Variants in DNAJB4 observed in about 807,000 individuals in gnomAD.
DNAJB4 encodes DnaJ heat shock protein family (Hsp40) member B4, also known as dnaJ homolog subfamily B member 4.
A neutral mutation model predicts 26.6 loss-of-function variants in DNAJB4; 10 were observed. That is an observed-to-expected ratio of 0.38 (90% confidence interval 0.23 to 0.64). The LOEUF is 0.64. Among genes scored for constraint, DNAJB4 ranks in the 30% least tolerant of loss-of-function variants. The pLI, the probability that DNAJB4 is intolerant of heterozygous loss-of-function variation, is 0.58. For missense variants in DNAJB4, 328 were observed against 408.2 expected, an observed-to-expected ratio of 0.80 and a Z score of 1.69; for synonymous variants, 136 against 134.8, an observed-to-expected ratio of 1.01 and a Z score of -0.06.
chr1:77,982,987 T>C (rs181751976), intron 1 of DNAJB4, among the ~76,000 whole-genome samples: 10 of 152,310 alleles, frequency 6.6e-5, no homozygotes, highest in Admixed American at 2.0e-4. Flanking sequence ...AGACAAAGTA[T>C]GCTGAACCAG....
intron 1 of DNAJB4, among the ~76,000 whole-genome samples, chr1:78,006,424 A>G (rs917347911): frequency 1.3e-5 from 2 of 152,198 alleles, no homozygotes; most frequent in African/African-American, 4.8e-5. Flanking sequence ...GTAGCTATGA[A>G]AACTTGTTAT....
chr1:78,000,375 C>T (rs1660162443), upstream of DNAJB4, among the ~76,000 whole-genome samples: 1 of 152,126 alleles, frequency 6.6e-6, no homozygotes, highest in Non-Finnish European at 1.5e-5. Context: ...TAACAGTTAA[C>T]AGAGTTAACT....
At position 78,016,453 on chromosome 1, in the gene DNAJB4, T is replaced by G; in HGVS notation, c.*206T>G. On this transcript the variant is annotated 3_prime_UTR_variant, in exon 3 of 3. Transcript: ENST00000370763. ...AAAAGAGAAAACCATTCACTGTATT[T>G]TATTTCATTTCTCCTGATTCAGATA... 1 of 550,610 alleles carries G rather than the reference T, an allele frequency of 1.8e-6. No homozygotes were observed. The highest frequency in any genetic ancestry group is 1.9e-5 in the African/African-American group (1 of 52,768). 34.1% of individuals were successfully genotyped at this position (550,610 alleles called of 1,614,324 possible).
At chr1:77,999,781 C>A (rs987878008) in intron 1 of DNAJB4, among the ~76,000 whole-genome samples, 1 of 152,154 alleles carries the variant, frequency 6.6e-6, no homozygotes, top group African/African-American at 2.4e-5. Flanking sequence ...CTAAGTTACT[C>A]ACCTGTTAAG....
At chr1:78,011,128 T>C (rs1660460480) in intron 1 of DNAJB4, among the ~76,000 whole-genome samples, 1 of 152,212 alleles carries the variant, frequency 6.6e-6, no homozygotes, top group Non-Finnish European at 1.5e-5. Flanking sequence ...TTTTGAGTTT[T>C]AGTAGAACAT....
chr1:77,987,461 C>A (rs752284911), intron 1 of DNAJB4, among the ~76,000 whole-genome samples: 2 of 152,132 alleles, frequency 1.3e-5, no homozygotes, highest in Non-Finnish European at 2.9e-5. Flanking sequence ...ATGGGGGTCT[C>A]GCTATGTTGC....
chr1:78,013,512 A>G lies in DNAJB4; in HGVS notation c.673A>G (p.Asn225Asp). Residue 225 changes from asparagine to aspartate, a missense_variant, in exon 2 of 3, where the codon AAT becomes GAT. Physicochemically the swap from Asn to Asp is conservative, Grantham distance 23. Coordinates refer to ENST00000370763, the MANE Select transcript of DNAJB4 (RefSeq NM_007034.5). ...TCCAAGAGAAGGAGATGAAACACCAAATAGTATTCCAGCAGACATTGTTTT... is the reference window on the plus strand; with the variant it reads ...TCCAAGAGAAGGAGATGAAACACCAGATAGTATTCCAGCAGACATTGTTTT... ...TFPREGDETP[N>D]SIPADIVFII... 1 of 1,614,034 alleles carries G rather than the reference A, an allele frequency of 6.2e-7. No individual in the cohort carries two copies. Among genetic ancestry groups the G allele is most frequent in the Non-Finnish European group, 8.5e-7 (1 of 1,180,014 alleles).
intron 1 of DNAJB4, among the ~76,000 whole-genome samples, chr1:77,982,685 C>T (rs1413831497): frequency 6.6e-6 from 1 of 152,258 alleles, no homozygotes; most frequent in Admixed American, 6.5e-5. Flanking sequence ...GTAATCCCAG[C>T]TACTCGGGAG....
chr1:77,988,779 C>G (rs945987999), intron 1 of DNAJB4, among the ~76,000 whole-genome samples: 4 of 152,166 alleles, frequency 2.6e-5, no homozygotes, highest in African/African-American at 7.2e-5. Context: ...ACACAACTTA[C>G]AGTATTTAAA....
In DNAJB4 at chr1:78,013,274, C is replaced by T. The variant is rs1660542663; in HGVS notation, c.435C>T (p.Asp145=). ...FGFSMNGYPR[D]RNSVGPSRLK... is the part of the protein sequence containing the mutation. Reference sequence around the variant, plus strand: ...TCAGCATGAATGGATATCCAAGAGACAGGAATTCTGTGGGGCCATCCCGCC... The same window carrying T: ...TCAGCATGAATGGATATCCAAGAGATAGGAATTCTGTGGGGCCATCCCGCC... Residue 145 remains aspartate (D), a synonymous_variant, in exon 2 of 3, where the codon GAC becomes GAT. Transcript: ENST00000370763. 2 of 1,613,872 alleles carry T rather than the reference C, an allele frequency of 1.2e-6. No homozygotes were observed. The highest frequency in any genetic ancestry group is 3.3e-5 in the Admixed American group (2 of 59,990).
chr1:77,979,587 C>G (rs2102571884), upstream of DNAJB4: 1 of 154,082 alleles, frequency 6.5e-6, no homozygotes, highest in Non-Finnish European at 1.4e-5. Context: ...AAACGTCTGC[C>G]CGGCGTAGCG....
intron 1 of DNAJB4, among the ~76,000 whole-genome samples, chr1:77,982,463 A>G (rs536117587): frequency 5.9e-4 from 90 of 152,360 alleles, no homozygotes; most frequent in Middle Eastern, 6.8e-3. Context: ...AACCTGACTA[A>G]CCAATTGCAG....
chr1:77,996,762 A>G (rs138278912), intron 1 of DNAJB4, among the ~76,000 whole-genome samples: 5,193 of 152,336 alleles, frequency 0.034, 158 homozygotes, highest in Non-Finnish European at 0.045. Context: ...ACAATAGTCC[A>G]CAGAGAATTA....
intron 1 of DNAJB4, among the ~76,000 whole-genome samples, chr1:78,006,445 C>T (rs1210557829): frequency 6.6e-6 from 1 of 152,056 alleles, no homozygotes; most frequent in Non-Finnish European, 1.5e-5. Flanking sequence ...CCCTTTGATT[C>T]CTTTATTACA....
intron 1 of DNAJB4, among the ~76,000 whole-genome samples, chr1:78,006,765 G>C (rs564559632): frequency 1.6e-4 from 24 of 152,092 alleles, no homozygotes; most frequent in African/African-American, 5.3e-4. Flanking sequence ...ATCATGACTT[G>C]GTTTATCTCA....
At chr1:78,001,036 C>T (rs1660179578), upstream of DNAJB4, among the ~76,000 whole-genome samples, 1 of 151,876 alleles carries the variant, frequency 6.6e-6, no homozygotes, top group Admixed American at 6.6e-5. Flanking sequence ...TGGTTTATGC[C>T]TGTAATTCCA....
Position 78,005,003 on chromosome 1 carries a change from C to T in DNAJB4, c.-108C>T. On this transcript the variant is annotated 5_prime_UTR_variant, in exon 1 of 3. Transcript: ENST00000370763. ...GACAGCTAGCTGAATTGCTGATTAA[C>T]TTTTAAAATACCCAGCTTGGTTTAT... is the stretch of plus-strand genomic sequence containing the variant. 1 of 1,179,024 alleles carries T rather than the reference C, an allele frequency of 8.5e-7. No individual in the cohort carries two copies. Among genetic ancestry groups the T allele is most frequent in the Non-Finnish European group, 1.2e-6 (1 of 824,954 alleles). 73.0% of individuals were successfully genotyped at this position (1,179,024 alleles called of 1,614,324 possible).
At chr1:77,992,912 CAG>C (rs1386963823) in intron 1 of DNAJB4, 2 of 152,082 alleles carry the variant, frequency 1.3e-5, no homozygotes, top group African/African-American at 4.8e-5. Flanking sequence ...TTAGTAGAGA[CAG>C]GGTTTAACCA....
intron 1 of DNAJB4, 44 bp downstream of exon 1, chr1:78,005,365 C>CTTTT: frequency 8.5e-7 from 1 of 1,174,954 alleles, no homozygotes. Context: ...AGCTCTGTCT[C>CTTTT]TTTTTTTTTT....
Sources: allele counts gnomAD v4.1 joint callset (sites outside exome capture counted in the v4.1 genomes callset), GRCh38; gene constraint gnomAD v4.1.1; transcripts MANE v1.5; gene names NCBI Gene and HGNC (gene_info 2026-07-23, HGNC 2026-07-21).